The following EML5 variants were observed in gnomAD, a reference collection of about 807,000 sequenced individuals.
EML5 encodes EMAP like 5.
Under a neutral mutation model 250.0 loss-of-function variants are expected in EML5, and 120 were observed. The ratio of observed to expected loss-of-function variants is 0.48; its 90% confidence interval spans 0.41 to 0.56. The LOEUF is 0.56. Ranked by LOEUF, EML5 falls within the 20% of genes least tolerant of loss-of-function variation. The pLI is 0.00. For synonymous variants in EML5, 771 were observed against 806.5 expected (o/e 0.96, Z 0.75); for missense variants, 2,006 against 2,437.6 (o/e 0.82, Z 3.73).
At chr14:88,627,279 G>T in intron 34 of EML5, 1 of 549,844 alleles carries the variant, frequency 1.8e-6, no homozygotes, top group East Asian at 3.0e-5. Flanking sequence ...TTTGTCTAAA[G>T]TGTGGTAGGT....
At chr14:88,737,917 T>C (rs1354972071) in intron 6 of EML5, among the ~76,000 whole-genome samples, 3 of 152,214 alleles carry the variant, frequency 2.0e-5, no homozygotes, top group Admixed American at 1.3e-4. Flanking sequence ...TACTTGTCTA[T>C]ATTTCTTCAA....
rs555700346 is a variant in EML5, at chr14:88,772,388, G to C, written c.198-17717C>G. Among the ~76,000 whole-genome samples, 5 of 152,244 alleles carry C rather than the reference G, an allele frequency of 3.3e-5. No homozygotes were observed. The South Asian group carries it at 8.3e-4, about 25-fold the overall frequency. ...TAAATCTGATCTCATCATTTACCTC[G>C]GTAAAAACCCAATAGCTTCCTACCG... On this transcript the variant is annotated intron_variant, in intron 1 of 43. Transcript: ENST00000554922.
chr14:88,789,335 T>C (rs2094583398), intron 1 of EML5, among the ~76,000 whole-genome samples: 1 of 152,100 alleles, frequency 6.6e-6, no homozygotes, highest in African/African-American at 2.4e-5. Context: ...TTTCTGACAT[T>C]GAAACTAATT....
At chr14:88,774,201 T>G (rs1192599927) in intron 1 of EML5, among the ~76,000 whole-genome samples, 1 of 152,146 alleles carries the variant, frequency 6.6e-6, no homozygotes, top group Non-Finnish European at 1.5e-5. Context: ...AGTTTCTAAT[T>G]TGGTAGATCT....
At position 88,777,897 on chromosome 14, in the gene EML5, C is replaced by G. The variant is rs144865401; in HGVS notation, c.197+14410G>C. 5.1e-3 allele frequency among the ~76,000 whole-genome samples: 776 copies of G among 152,304 alleles called. 6 individuals are homozygous for G. The highest frequency in any genetic ancestry group is 0.018 in the African/African-American group (748 of 41,564). On this transcript the variant is annotated intron_variant, in intron 1 of 43. Coordinates refer to ENST00000554922, the MANE Select transcript of EML5 (RefSeq NM_183387.3). Reference sequence around the variant, plus strand: ...GGCTGAGGTAGGAGGGTCACCTGAGCCTGGGAAGTCAAGGCTGCAGTGAGT... The same window carrying G: ...GGCTGAGGTAGGAGGGTCACCTGAGGCTGGGAAGTCAAGGCTGCAGTGAGT...
At chr14:88,729,748 ACAGGGTTTTGC>A (rs957734137) in intron 7 of EML5, among the ~76,000 whole-genome samples, 1 of 151,894 alleles carries the variant, frequency 6.6e-6, no homozygotes, top group African/African-American at 2.4e-5. Flanking sequence ...TTTAGTAGAG[ACAGGGTTTTGC>A]CATGTTGGCC....
intron 37 of EML5, 105 bp downstream of exon 37, chr14:88,622,497 TTA>T: frequency 1.2e-6 from 1 of 845,076 alleles, no homozygotes; most frequent in Non-Finnish European, 1.7e-6. Context: ...AAATCCATCG[TTA>T]TGCATTATTA....
At chr14:88,694,538 G>C (rs1365789217) in intron 16 of EML5, 131 bp from the exon 17 acceptor site, 8 of 649,686 alleles carry the variant, frequency 1.2e-5, no homozygotes. Context: ...TCAGGTTTGG[G>C]CTGTGTATTT....
At chr14:88,674,172 G>A (rs567843965) in intron 21 of EML5, among the ~76,000 whole-genome samples, 104 of 152,314 alleles carry the variant, frequency 6.8e-4, no homozygotes, top group Non-Finnish European at 1.4e-3. Context: ...AGGAGGCTGA[G>A]GCAGGAGAAT....
At position 88,740,448 on chromosome 14, in the gene EML5, T is replaced by G; in HGVS notation, c.650A>C (p.Asn217Thr). 45 of 1,613,878 alleles carry G rather than the reference T, an allele frequency of 2.8e-5. No individual in the cohort carries two copies. The highest frequency in any genetic ancestry group is 3.8e-5 in the Non-Finnish European group (45 of 1,179,824). Residue 217 changes from asparagine (N) to threonine (T), a missense_variant, in exon 5 of 44, where the codon AAT becomes ACT. Coordinates refer to ENST00000554922, the MANE Select transcript of EML5 (RefSeq NM_183387.3). ...RDELTYSGAL[N>T]GDIYVWKGIN... is the part of the protein sequence containing the mutation. Reference sequence around the variant, plus strand: ...TCCTTTCCAAACATATATATCCCCATTGAGTGCACCAGAATATGTTAATTC... The same window carrying G: ...TCCTTTCCAAACATATATATCCCCAGTGAGTGCACCAGAATATGTTAATTC...
At chr14:88,702,749 G>C in intron 13 of EML5, 117 bp from the exon 14 acceptor site, 1 of 742,336 alleles carries the variant, frequency 1.3e-6, no homozygotes, top group Non-Finnish European at 2.0e-6. Flanking sequence ...CAGTTTTACA[G>C]GATACTAAAC....
chr14:88,764,862 A>G (rs2094299520), intron 1 of EML5, among the ~76,000 whole-genome samples: 1 of 152,082 alleles, frequency 6.6e-6, no homozygotes, highest in Non-Finnish European at 1.5e-5. Flanking sequence ...CATTATGGTC[A>G]GAGAACATAC....
intron 11 of EML5, 90 bp from the exon 12 acceptor site, chr14:88,705,678 G>A: frequency 1.1e-6 from 1 of 918,824 alleles, no homozygotes. Flanking sequence ...AGCTATGTCA[G>A]TTGACATGGA....
chr14:88,634,566 A>G (rs989055085), intron 32 of EML5, 77 bp from the exon 33 acceptor site: 1 of 823,904 alleles, frequency 1.2e-6, no homozygotes. Flanking sequence ...TATTAATTAT[A>G]ATTTAAACTA....
chr14:88,781,013 C>T (rs2094492934), intron 1 of EML5, among the ~76,000 whole-genome samples: 1 of 152,180 alleles, frequency 6.6e-6, no homozygotes, highest in African/African-American at 2.4e-5. Flanking sequence ...CAAGATGACA[C>T]AGAAAACTAA....
At position 88,615,535 on chromosome 14, in the gene EML5, G is replaced by A. The variant is rs943580841; in HGVS notation, c.*283C>T. 6 of 339,918 alleles carry A rather than the reference G, an allele frequency of 1.8e-5. No individual in the cohort carries two copies. The highest frequency in any genetic ancestry group is 3.2e-5 in the Non-Finnish European group (6 of 188,566). 21.1% of individuals were successfully genotyped at this position (339,918 alleles called of 1,614,324 possible). A position where few individuals can be genotyped will look rare whatever the true frequency, so the allele number is the denominator to read the frequency against. On this transcript the variant is annotated 3_prime_UTR_variant, in exon 44 of 44. Transcript: ENST00000554922. ...CCTAAATTTTCCCAGCAGGTCTGCC[G>A]AAATCACACACTTCCCAATACAGGG...
intron 27 of EML5, among the ~76,000 whole-genome samples, chr14:88,656,578 G>A (rs964358972): frequency 6.6e-6 from 1 of 152,050 alleles, no homozygotes; most frequent in Non-Finnish European, 1.5e-5. Context: ...TAACAAACCT[G>A]CACGTTCTGC....
intron 7 of EML5, among the ~76,000 whole-genome samples, chr14:88,731,913 G>T (rs1409211663): frequency 2.0e-5 from 3 of 152,010 alleles, no homozygotes; most frequent in Non-Finnish European, 4.4e-5. Flanking sequence ...TCTTGATGGG[G>T]TTGTTTTTTT....
At chr14:88,752,400 T>G (rs1194572529) in intron 2 of EML5, among the ~76,000 whole-genome samples, 1 of 152,234 alleles carries the variant, frequency 6.6e-6, no homozygotes, top group Non-Finnish European at 1.5e-5. Context: ...AAATAGGTAT[T>G]ATTTCCTTTA....
Sources: allele counts gnomAD v4.1 joint callset (sites outside exome capture counted in the v4.1 genomes callset), GRCh38; gene constraint gnomAD v4.1.1; transcripts MANE v1.5; gene names NCBI Gene and HGNC (gene_info 2026-07-23, HGNC 2026-07-21).